Variants in C1orf162 observed in about 807,000 individuals in gnomAD.
C1orf162 encodes the protein transmembrane protein C1orf162.
Under a neutral mutation model 11.4 loss-of-function variants are expected in C1orf162, and 10 were observed. The observed-to-expected ratio is 0.88, with a 90% confidence interval of 0.54 to 1.48. The LOEUF (loss-of-function observed/expected upper bound fraction) is 1.48, where lower values mean the gene tolerates loss of function less well. Ranked by LOEUF, C1orf162 falls within the 40% of genes most tolerant of loss-of-function variation. C1orf162 has a pLI of 0.00. For synonymous variants in C1orf162, 53 were observed against 55.0 expected (o/e 0.96, Z 0.16); for missense variants, 140 against 149.5 (o/e 0.94, Z 0.33).
chr1:111,477,962 C>T, intron 5 of C1orf162, 21 bp from the exon 6 acceptor site: 1 of 1,614,134 alleles, frequency 6.2e-7, no homozygotes, highest in East Asian at 2.2e-5. Flanking sequence ...TCACTCATTC[C>T]TCCTTTTTCT....
Position 111,477,786 on chromosome 1 carries a change from C to A in C1orf162, c.252+11C>A. The A allele has an allele frequency of 6.2e-7, 1 of 1,614,038 alleles. No individual in the cohort carries two copies. The highest frequency in any genetic ancestry group is 8.5e-7 in the Non-Finnish European group (1 of 1,179,942). On this transcript the variant is annotated intron_variant, in intron 5 of 5. Transcript: ENST00000369718. ...GATCCTCCAGCCAAGGTAAGATGAC[C>A]ACACTGTTTTGGGGACACTGAAGGG...
chr1:111,475,907 A>C (rs1653971583), intron 1 of C1orf162, 111 bp from the exon 2 acceptor site: 1 of 780,034 alleles, frequency 1.3e-6, no homozygotes, highest in African/African-American at 1.7e-5. Context: ...GAACACCCAC[A>C]AATTGCCTCT....
chr1:111,477,884 G>C, intron 5 of C1orf162, 99 bp from the exon 6 acceptor site: 1 of 1,596,370 alleles, frequency 6.3e-7, no homozygotes, highest in Non-Finnish European at 8.6e-7. Context: ...CCAGACACTG[G>C]GCAAGTGATT....
At position 111,476,808 on chromosome 1, in the gene C1orf162, C is replaced by A; in HGVS notation, c.48C>A (p.Gly16=). ...STCKPDTERQ[G]TLSTAAPTTS... ...TGTGTTTTCTTGTAGAAAGACAAGG[C>A]ACTCTCTCCACAGCAGCCCCAACAA... The change falls in exon 3 of 6, where the codon GGC becomes GGA. Residue 16 remains glycine, a synonymous_variant. Transcript: ENST00000369718. The A allele has an allele frequency of 2.5e-6, 4 of 1,613,924 alleles. No individual in the cohort carries two copies. The highest frequency in any genetic ancestry group is 3.4e-6 in the Non-Finnish European group (4 of 1,179,860).
At chr1:111,474,626 AG>A (rs1161525027) in intron 1 of C1orf162, 3 of 152,246 alleles carry the variant, frequency 2.0e-5, no homozygotes, top group African/African-American at 7.2e-5. Context: ...AAGTTAGAAA[AG>A]GAGCAAAAAG....
rs1359052010 is a variant in C1orf162 at position 111,473,989 on chromosome 1, T to C, written c.-53T>C. ...CGGAAGCAAGTGAAATGCTCAGTCT[T>C]AGACGACTGCGTCGTGCTATGACCG... is the stretch of plus-strand genomic sequence containing the variant. On this transcript the variant is annotated 5_prime_UTR_variant, in exon 1 of 6. Coordinates refer to ENST00000369718, the MANE Select transcript of C1orf162 (RefSeq NM_001300834.2). 2.0e-5 allele frequency: 3 copies of C among 152,264 alleles called. No individual in the cohort carries two copies. The highest frequency in any genetic ancestry group is 4.4e-5 in the Non-Finnish European group (3 of 68,050). 9.4% of individuals were successfully genotyped at this position (152,264 alleles called of 1,614,324 possible).
chr1:111,477,340 A>T lies in C1orf162; in HGVS notation c.114A>T (p.Lys38Asn). Residue 38 changes from lysine (K) to asparagine (N), a missense_variant, in exon 4 of 6, where the codon AAA (lysine) becomes AAT (asparagine). By Grantham distance (94) the Lys-to-Asn change is moderately conservative. Coordinates refer to ENST00000369718, the MANE Select transcript of C1orf162 (RefSeq NM_001300834.2). ...APCLSNHHNKKHLILAFCAGV... is the reference protein window; with the variant it reads ...APCLSNHHNKNHLILAFCAGV... Reference sequence around the variant, plus strand: ...CCTTTCTTTGCCAAAACAGCAAAAAACATTTAATCCTTGCCTTTTGTGCTG... The same window carrying T: ...CCTTTCTTTGCCAAAACAGCAAAAATCATTTAATCCTTGCCTTTTGTGCTG... 1 of 1,613,964 alleles carries T rather than the reference A, an allele frequency of 6.2e-7. No homozygotes were observed. Among genetic ancestry groups the T allele is most frequent in the African/African-American group, 1.3e-5 (1 of 75,014 alleles).
Position 111,478,193 on chromosome 1 carries a change from C to T in C1orf162, c.*70C>T. ...GCCCTATCTTCACACATCACTTTCA[C>T]TTTTTTACAAATTTTGGACCACCAC... On this transcript the variant is annotated 3_prime_UTR_variant, in exon 6 of 6. Transcript: ENST00000369718. The T allele has an allele frequency of 6.3e-7, 1 of 1,586,058 alleles. No homozygotes were observed. The highest frequency in any genetic ancestry group is 8.6e-7 in the Non-Finnish European group (1 of 1,158,290).
rs569114231 is a variant in C1orf162, at chr1:111,475,679, T to C, written c.-11-339T>C. ...TGTTCCCCTGATAGGCAAAATTCAC[T>C]GATTGCACCAACATGTACCTAATGT... is the stretch of plus-strand genomic sequence containing the variant. On this transcript the variant is annotated intron_variant, in intron 1 of 5. Coordinates refer to ENST00000369718, the MANE Select transcript of C1orf162 (RefSeq NM_001300834.2). 1.4e-5 allele frequency: 3 copies of C among 216,912 alleles called. No homozygotes were observed. In the East Asian group the frequency reaches 2.6e-4, roughly 19 times the overall value. The allele number at this position is 216,912 out of a possible 1,614,324, so 13.4% of individuals were successfully genotyped here.
intron 1 of C1orf162, chr1:111,475,230 C>G (rs1165416373): frequency 6.6e-6 from 1 of 152,036 alleles, no homozygotes; most frequent in Admixed American, 6.6e-5. Context: ...TGGCAAAATG[C>G]TGAGTGTAAA....
chr1:111,475,579 C>A, intron 1 of C1orf162: 1 of 163,740 alleles, frequency 6.1e-6, no homozygotes, highest in Non-Finnish European at 1.4e-5. Flanking sequence ...AAAAATCATC[C>A]ATTCATCTTC....
intron 1 of C1orf162, chr1:111,475,682 T>C (rs1384448267): frequency 1.4e-5 from 3 of 219,854 alleles, no homozygotes; most frequent in African/African-American, 4.4e-5. Flanking sequence ...AATTCACTGA[T>C]TGCACCAACA....
chr1:111,477,142 G>C lies in C1orf162; in HGVS notation c.108-192G>C, dbSNP rs900904275. 12 of 643,858 alleles carry C rather than the reference G, an allele frequency of 1.9e-5. No homozygotes were observed. The African/African-American group carries it at 2.2e-4, about 12-fold the overall frequency. The allele number at this position is 643,858 out of a possible 1,614,324, so 39.9% of individuals were successfully genotyped here. A position where few individuals can be genotyped will look rare whatever the true frequency, so the allele number is the denominator to read the frequency against. On this transcript the variant is annotated intron_variant, in intron 3 of 5. Transcript: ENST00000369718. ...GGTTGAGGGAGGGGGAGAGGAAGAG[G>C]CCACAGCTTCCTCTGAGGCCTCAAA... is the stretch of plus-strand genomic sequence containing the variant.
chr1:111,475,418 T>C (rs1346430274), intron 1 of C1orf162: 1 of 152,208 alleles, frequency 6.6e-6, no homozygotes, highest in African/African-American at 2.4e-5. Flanking sequence ...AACAAGAATA[T>C]TGGCAAACTT....
rs914144671 is a variant in C1orf162 at position 111,478,236 on chromosome 1, C to T, written c.*113C>T. 35 of 1,297,772 alleles carry T rather than the reference C, an allele frequency of 2.7e-5. No individual in the cohort carries two copies. Among genetic ancestry groups the T allele is most frequent in the East Asian group, 4.7e-5 (2 of 42,992 alleles). The allele number at this position is 1,297,772 out of a possible 1,614,324, so 80.4% of individuals were successfully genotyped here. ...ACCACCACCTGTGTGAAACTGCAGT[C>T]GGAGTTGTTTAGATGTGATCTGGCA... On this transcript the variant is annotated 3_prime_UTR_variant, in exon 6 of 6. Coordinates refer to ENST00000369718, the MANE Select transcript of C1orf162 (RefSeq NM_001300834.2).
rs1654069804 is a variant in C1orf162 at position 111,478,371 on chromosome 1, A to C, written c.*248A>C. The C allele has an allele frequency of 1.8e-6, 1 of 560,892 alleles. No homozygotes were observed. Among genetic ancestry groups the C allele is most frequent in the Non-Finnish European group, 3.2e-6 (1 of 314,818 alleles). The allele number at this position is 560,892 out of a possible 1,614,324, so 34.7% of individuals were successfully genotyped here. A position where few individuals can be genotyped will look rare whatever the true frequency, so the allele number is the denominator to read the frequency against. ...GCCTGTGAGCCCCTTGGGGGCATAG[A>C]CTGCCTTCCTTGGACCCTTCCAAAG... On this transcript the variant is annotated 3_prime_UTR_variant, in exon 6 of 6. Coordinates refer to ENST00000369718, the MANE Select transcript of C1orf162 (RefSeq NM_001300834.2).
At chr1:111,477,186 GC>G (rs1654020150) in intron 3 of C1orf162, 147 bp from the exon 4 acceptor site, 4 of 746,894 alleles carry the variant, frequency 5.4e-6, no homozygotes, top group South Asian at 5.4e-5. Flanking sequence ...AAACTCAAAA[GC>G]AAAAGCTGAA....
Position 111,478,160 on chromosome 1 carries a change from T to C in C1orf162, c.*37T>C. The C allele has an allele frequency of 2.5e-6, 4 of 1,612,044 alleles. No individual in the cohort carries two copies. Among genetic ancestry groups the C allele is most frequent in the South Asian group, 2.2e-5 (2 of 91,038 alleles). On this transcript the variant is annotated 3_prime_UTR_variant, in exon 6 of 6. Coordinates refer to ENST00000369718, the MANE Select transcript of C1orf162 (RefSeq NM_001300834.2). ...CAATGAGGCTTGAATCCATTTCCTC[T>C]CATCTCAGCCCTATCTTCACACATC...
At chr1:111,474,141 G>A (rs1229300366) in intron 1 of C1orf162, 111 bp downstream of exon 1, 1 of 152,204 alleles carries the variant, frequency 6.6e-6, no homozygotes, top group African/African-American at 2.4e-5. Flanking sequence ...GATGCAGGAA[G>A]GGTTGTATTT....
Sources: gnomAD v4.1 joint callset for allele counts on GRCh38, gnomAD v4.1.1 for gene constraint, MANE v1.5 for transcripts, NCBI Gene and HGNC (gene_info 2026-07-23, HGNC 2026-07-21) for gene names.